The following SPAST variants were observed in gnomAD, a reference collection of about 807,000 sequenced individuals.
SPAST encodes the protein spastin, also known as spastic paraplegia 4 (autosomal dominant; spastin).
SPAST carries 30 observed loss-of-function variants against 76.6 expected under a neutral mutation model. The ratio of observed to expected loss-of-function variants is 0.39; its 90% CI spans 0.29 to 0.53. The LOEUF (loss-of-function observed/expected upper bound fraction) is 0.53. Ranked by LOEUF, SPAST falls within the 20% of genes least tolerant of loss-of-function variation. SPAST has a pLI of 0.68. For missense variants in SPAST, 717 were observed against 770.5 expected, an observed-to-expected ratio of 0.93 and a Z score of 0.82; for synonymous variants, 305 against 281.0, an observed-to-expected ratio of 1.09 and a Z score of -0.86.
chr2:32,087,695 T>TC, intron 2 of SPAST, 117 bp downstream of exon 2: 1 of 94,544 alleles, frequency 1.1e-5, no homozygotes, highest in Non-Finnish European at 2.0e-5. Flanking sequence ...TTTTCTTTTC[T>TC]TTTTTTTTTT....
In SPAST at chr2:32,063,900, G is replaced by A; in HGVS notation, c.69G>A (p.Arg23=). 1 of 1,582,132 alleles carries A rather than the reference G, an allele frequency of 6.3e-7. No homozygotes were observed. The highest frequency in any genetic ancestry group is 8.6e-7 in the Non-Finnish European group (1 of 1,166,072). Residue 23 remains arginine (R), a synonymous_variant, in exon 1 of 17, where the codon AGG becomes AGA. Transcript: ENST00000315285. ...GCGCCAGCAACCCGGTGCCTCCCAG[G>A]CCTCCGCCCCCTTGCCTGGCCCCCG... ...SGGASNPVPP[R]PPPPCLAPAP...
intron 9 of SPAST, chr2:32,128,754 A>G (rs1014908409): frequency 2.3e-6 from 1 of 430,888 alleles, no homozygotes; most frequent in South Asian, 2.2e-5. Flanking sequence ...TGTGGAAGGT[A>G]GAAGTCTAAG....
intron 9 of SPAST, chr2:32,129,429 GT>G (rs1248204806): frequency 2.0e-5 from 3 of 151,900 alleles, no homozygotes; most frequent in Non-Finnish European, 4.4e-5. Context: ...TTATAATTTT[GT>G]TTTCTTTTTC....
chr2:32,115,089 C>T (rs961017214), intron 5 of SPAST, among the ~76,000 whole-genome samples: 6 of 151,474 alleles, frequency 4.0e-5, no homozygotes, highest in African/African-American at 9.7e-5. Flanking sequence ...GCTGGGATTA[C>T]AGGCATGCAC....
rs980577658 is a variant in SPAST, at chr2:32,086,584, C to T, written c.416-908C>T. On this transcript the variant is annotated intron_variant, in intron 1 of 16. Transcript: ENST00000315285. ...AGCCTGGCCAACATGGTGAAAACCC[C>T]GTCTTTATACTTAAATTACAAAGAT... Among the ~76,000 whole-genome samples the T allele has an allele frequency of 5.9e-5, 9 of 151,974 alleles. No individual in the cohort carries two copies. The East Asian group carries it at 9.7e-4, about 16-fold the overall frequency.
chr2:32,110,862 A>G (rs1362194923), intron 4 of SPAST, among the ~76,000 whole-genome samples: 2 of 121,282 alleles, frequency 1.6e-5, no homozygotes, highest in South Asian at 2.7e-4. Context: ...TAGAGTATAT[A>G]TACAGTATAC....
intron 2 of SPAST, among the ~76,000 whole-genome samples, chr2:32,089,112 A>C (rs543545394): frequency 6.6e-6 from 1 of 151,774 alleles, no homozygotes; most frequent in Non-Finnish European, 1.5e-5. Flanking sequence ...CCCAGGCTGG[A>C]ATGCTGTGAT....
intron 7 of SPAST, among the ~76,000 whole-genome samples, chr2:32,125,456 CAG>C (rs1679158207): frequency 6.6e-6 from 1 of 152,084 alleles, no homozygotes; most frequent in Non-Finnish European, 1.5e-5. Flanking sequence ...CTCCTGATCT[CAG>C]GGGATCTGCC....
At chr2:32,100,321 T>G (rs1355925778) in intron 4 of SPAST, among the ~76,000 whole-genome samples, 1 of 103,490 alleles carries the variant, frequency 9.7e-6, no homozygotes, top group African/African-American at 3.9e-5. Flanking sequence ...TATTGGTTAC[T>G]TTTTTTTTTT....
chr2:32,098,274 T>A (rs1168478912), intron 3 of SPAST, among the ~76,000 whole-genome samples: 2 of 152,118 alleles, frequency 1.3e-5, no homozygotes, highest in East Asian at 3.9e-4. Context: ...GAGCCCAGCC[T>A]GTGGAACATA....
chr2:32,101,113 C>T (rs867822443), intron 4 of SPAST, among the ~76,000 whole-genome samples: 6 of 152,176 alleles, frequency 3.9e-5, no homozygotes, highest in Non-Finnish European at 8.8e-5. Context: ...CACATCCTCT[C>T]CAGCACCTGT....
At chr2:32,088,961 G>GA (rs1229920683) in intron 2 of SPAST, among the ~76,000 whole-genome samples, 1 of 152,000 alleles carries the variant, frequency 6.6e-6, no homozygotes, top group Non-Finnish European at 1.5e-5. Context: ...GAAACGTGGG[G>GA]AAAAAATATT....
At chr2:32,128,152 G>A (rs951042781) in intron 8 of SPAST, 4 of 409,774 alleles carry the variant, frequency 9.8e-6, no homozygotes, top group East Asian at 1.1e-4. Flanking sequence ...GCGCCACCAC[G>A]CCTGACTAAT....
chr2:32,118,254 G>A (rs544016006), intron 7 of SPAST, among the ~76,000 whole-genome samples: 6 of 152,268 alleles, frequency 3.9e-5, no homozygotes, highest in African/African-American at 1.4e-4. Context: ...TTCACATACT[G>A]CCTTTATGGT....
intron 1 of SPAST, among the ~76,000 whole-genome samples, chr2:32,068,086 C>T (rs1286885711): frequency 6.6e-6 from 1 of 150,444 alleles, no homozygotes; most frequent in Non-Finnish European, 1.5e-5. Context: ...TCACGCCATT[C>T]TCCTGCCTCA....
At chr2:32,110,530 TG>T (rs1558319655) in intron 4 of SPAST, among the ~76,000 whole-genome samples, 2 of 50,530 alleles carry the variant, frequency 4.0e-5, no homozygotes, top group Non-Finnish European at 8.0e-5. Flanking sequence ...CTATATAGTG[TG>T]TATATATAGT....
At chr2:32,076,205 A>G (rs1676957935) in intron 1 of SPAST, among the ~76,000 whole-genome samples, 1 of 152,008 alleles carries the variant, frequency 6.6e-6, no homozygotes, top group Non-Finnish European at 1.5e-5. Context: ...CTGGCCACAG[A>G]AATTTTTTGA....
At chr2:32,076,752 A>G (rs193084766) in intron 1 of SPAST, among the ~76,000 whole-genome samples, 3 of 151,688 alleles carry the variant, frequency 2.0e-5, no homozygotes, top group East Asian at 3.9e-4. Flanking sequence ...GACTATTCCC[A>G]TTTCATTATA....
intron 1 of SPAST, among the ~76,000 whole-genome samples, chr2:32,076,227 A>G (rs1381541373): frequency 6.6e-6 from 1 of 152,122 alleles, no homozygotes; most frequent in Non-Finnish European, 1.5e-5. Flanking sequence ...GAAGATAAAT[A>G]AGGTGACATT....
Sources: gnomAD v4.1 joint callset for allele counts (sites outside exome capture counted in the v4.1 genomes callset) on GRCh38, gnomAD v4.1.1 for gene constraint, MANE v1.5 for transcripts, NCBI Gene and HGNC (gene_info 2026-07-23, HGNC 2026-07-21) for gene names.